Variants in STX1A observed in about 807,000 individuals in gnomAD.
The protein encoded by STX1A is syntaxin-1A.
Under a neutral mutation model 37.8 loss-of-function variants are expected in STX1A, and 4 were observed. That is an observed-to-expected ratio of 0.11 (90% CI 0.05 to 0.24). The LOEUF (loss-of-function observed/expected upper bound fraction) is 0.24. STX1A is among the 10% of genes least tolerant of loss of function. STX1A has a pLI of 1.00. For synonymous variants in STX1A, 135 were observed against 147.4 expected (o/e 0.92, Z 0.61); for missense variants, 251 against 399.9 (o/e 0.63, Z 3.18).
Position 73,717,242 on chromosome 7 carries a change from C to T in STX1A, c.30+2360G>A, listed in dbSNP as rs1010578469. On this transcript the variant is annotated intron_variant, in intron 1 of 9. Transcript: ENST00000222812. The surrounding 1 kb of genome is among the most constrained non-coding windows in gnomAD (Gnocchi z 4.1). ...AGAGGGAGGGAGGGAGGGCTGGGAGCGGTGCACAGCCGCTGTCCCCAGCAC... is the reference window on the plus strand; with the variant it reads ...AGAGGGAGGGAGGGAGGGCTGGGAGTGGTGCACAGCCGCTGTCCCCAGCAC... Among the ~76,000 whole-genome samples, 4 of 152,012 alleles carry T rather than the reference C, an allele frequency of 2.6e-5. No individual in the cohort carries two copies. Among genetic ancestry groups the T allele is most frequent in the Admixed American group, 6.6e-5 (1 of 15,266 alleles).
chr7:73,714,783 A>AC (rs1169469515), intron 1 of STX1A, among the ~76,000 whole-genome samples: 3 of 150,152 alleles, frequency 2.0e-5, no homozygotes, highest in East Asian at 3.9e-4. Flanking sequence ...GTTAAAAAAA[A>AC]AAAACAAAAA....
chr7:73,700,334 CCCAGCCAGGTGGCA>C lies in STX1A; in HGVS notation c.*59_*72del, dbSNP rs1798603832. 1.3e-6 allele frequency: 2 copies of C among 1,522,138 alleles called. No individual in the cohort carries two copies. The allele number at this position is 1,522,138 out of a possible 1,614,324, so 94.3% of individuals were successfully genotyped here. On this transcript the variant is annotated 3_prime_UTR_variant, in exon 10 of 10. Transcript: ENST00000222812. The surrounding 1 kb of genome is among the most constrained non-coding windows in gnomAD (Gnocchi z 4.4). ...CCAGAGGCGGGGGTTGGGAGGGCAGCCCAGCCAGGTGGCAGCAGCCAGGGCCTCCTTGGAGTGGC... is the reference window on the plus strand; with the variant it reads ...CCAGAGGCGGGGGTTGGGAGGGCAGCGCAGCCAGGGCCTCCTTGGAGTGGC...
intron 1 of STX1A, among the ~76,000 whole-genome samples, chr7:73,715,797 A>C (rs560198559): frequency 2.6e-5 from 4 of 152,280 alleles, no homozygotes; most frequent in African/African-American, 7.2e-5. Context: ...TAAATGACTA[A>C]TCAAAGTCAA....
At position 73,702,868 on chromosome 7, in the gene STX1A, T is replaced by C. The variant is rs1798713185; in HGVS notation, c.655A>G (p.Met219Val). The change falls in exon 8 of 10, where the codon ATG becomes GTG. Residue 219 changes from methionine to valine, a missense_variant. By Grantham distance (21) the Met-to-Val change is conservative. Around this residue, in one of 2 missense-constraint regions of STX1A, gnomAD observed 214 missense variants for 367.6 expected, o/e 0.58. Coordinates refer to ENST00000222812, the MANE Select transcript of STX1A (RefSeq NM_004603.4). The surrounding 1 kb of genome is among the most constrained non-coding windows in gnomAD (Gnocchi z 4.7). Reference protein sequence around the residue: ...IRELHDMFMDMAMLVESQGEM... With the variant: ...IRELHDMFMDVAMLVESQGEM... ...ACCTGGCTCTCCACGAGCATGGCCA[T>C]GTCCATGAACATGTCGTGTAGCTCA... The C allele has an allele frequency of 6.2e-7, 1 of 1,613,788 alleles. No individual in the cohort carries two copies. Among genetic ancestry groups the C allele is most frequent in the Non-Finnish European group, 8.5e-7 (1 of 1,180,010 alleles).
chr7:73,711,639 G>A (rs1799107331), intron 1 of STX1A, among the ~76,000 whole-genome samples: 1 of 152,080 alleles, frequency 6.6e-6, no homozygotes, highest in East Asian at 1.9e-4. Context: ...CTGCCAGGAG[G>A]AGCCCAGTTC....
rs2116780275 is a variant in STX1A at position 73,717,718 on chromosome 7, A to G, written c.30+1884T>C. 6.6e-6 allele frequency among the ~76,000 whole-genome samples: 1 copy of G among 152,314 alleles called. No homozygotes were observed. The highest frequency in any genetic ancestry group is 3.4e-3 in the Middle Eastern group (1 of 294). On this transcript the variant is annotated intron_variant, in intron 1 of 9. Coordinates refer to ENST00000222812, the MANE Select transcript of STX1A (RefSeq NM_004603.4). The surrounding 1 kb of genome is among the most constrained non-coding windows in gnomAD (Gnocchi z 4.1). ...GTGTCTGGAGCGGAAGCCTCAGACC[A>G]TTCAAAGCAAAGCCTGGCTTCACCA...
rs1174894742 is a variant in STX1A, at chr7:73,708,704, A to G, written c.109-16T>C. ...TCTCCTCCACCTGCGGACCAAGGCC[A>G]GGTGGTCAGGAGAAGGAAATCAGGG... On this transcript the variant is annotated splice_polypyrimidine_tract_variant and intron_variant, in intron 2 of 9. Transcript: ENST00000222812. The G allele has an allele frequency of 1.2e-6, 2 of 1,611,848 alleles. No homozygotes were observed. Among genetic ancestry groups the G allele is most frequent in the Non-Finnish European group, 1.7e-6 (2 of 1,178,970 alleles).
Position 73,705,031 on chromosome 7 carries a change from C to G in STX1A, c.283+119G>C. The G allele has an allele frequency of 1.0e-6, 1 of 992,572 alleles. No homozygotes were observed. Among genetic ancestry groups the G allele is most frequent in the Non-Finnish European group, 1.6e-6 (1 of 628,168 alleles). The allele number at this position is 992,572 out of a possible 1,614,324, so 61.5% of individuals were successfully genotyped here. ...CTGAGTGAATGGGCACATGACGCCA[C>G]CCTCAGAAAGGAAAGCAAGATCCGG... On this transcript the variant is annotated intron_variant, in intron 4 of 9. Coordinates refer to ENST00000222812, the MANE Select transcript of STX1A (RefSeq NM_004603.4). The surrounding 1 kb of genome is among the most constrained non-coding windows in gnomAD (Gnocchi z 5.2).
intron 5 of STX1A, 39 bp from the exon 6 acceptor site, chr7:73,704,295 C>T (rs782304133): frequency 6.2e-7 from 1 of 1,613,678 alleles, no homozygotes; most frequent in Non-Finnish European, 8.5e-7. Flanking sequence ...TCAGGCCCTG[C>T]GGGGACCGAC....
intron 4 of STX1A, chr7:73,704,801 A>T (rs1798811466): frequency 2.0e-6 from 1 of 506,166 alleles, no homozygotes; most frequent in South Asian, 2.2e-5. Flanking sequence ...AGGCCTTGGC[A>T]CTCATGGGGT....
chr7:73,710,665 TCCACC>T (rs1286483185), intron 1 of STX1A, among the ~76,000 whole-genome samples: 1 of 152,212 alleles, frequency 6.6e-6, no homozygotes, highest in Non-Finnish European at 1.5e-5. Context: ...CCTCAGGTGA[TCCACC>T]CGCCTCGGCC....
At position 73,700,168 on chromosome 7, in the gene STX1A, A is replaced by G; in HGVS notation, c.*239T>C. Reference sequence around the variant, plus strand: ...GTCTGCTCCTCGCTGTGCACACTGCATCACGCCCCGCTGGCTGCCTCCCTC... The same window carrying G: ...GTCTGCTCCTCGCTGTGCACACTGCGTCACGCCCCGCTGGCTGCCTCCCTC... On this transcript the variant is annotated 3_prime_UTR_variant, in exon 10 of 10. Transcript: ENST00000222812. This position sits in a 1 kb window ranked among gnomAD's most constrained non-coding sequence, Gnocchi z 4.4. 1.7e-6 allele frequency: 1 copy of G among 591,820 alleles called. No individual in the cohort carries two copies. 36.7% of individuals were successfully genotyped at this position (591,820 alleles called of 1,614,324 possible).
chr7:73,708,792 G>A, intron 2 of STX1A, 104 bp from the exon 3 acceptor site: 16 of 1,265,024 alleles, frequency 1.3e-5, no homozygotes, highest in Non-Finnish European at 1.8e-5. Context: ...TCAGGGGGAG[G>A]ACGGGCCAGG....
chr7:73,711,999 G>A (rs1286538135), intron 1 of STX1A, among the ~76,000 whole-genome samples: 1 of 152,112 alleles, frequency 6.6e-6, no homozygotes, highest in Non-Finnish European at 1.5e-5. Flanking sequence ...GAAGGGCTGG[G>A]AGGAGAGATG....
intron 1 of STX1A, among the ~76,000 whole-genome samples, chr7:73,710,058 C>T (rs181428415): frequency 2.5e-4 from 38 of 152,278 alleles, no homozygotes; most frequent in Non-Finnish European, 4.0e-4. Flanking sequence ...CATTGGACCT[C>T]GGTCTGCCTC....
rs1204898932 is a variant in STX1A, at chr7:73,705,295, AGCCCAGGGGGCCCAGTGGGAG to A, written c.209-92_209-72del. The A allele has an allele frequency of 7.6e-7, 1 of 1,314,698 alleles. No individual in the cohort carries two copies. Among genetic ancestry groups the A allele is most frequent in the African/African-American group, 1.5e-5 (1 of 68,854 alleles). 81.4% of individuals were successfully genotyped at this position (1,314,698 alleles called of 1,614,324 possible). A position where few individuals can be genotyped will look rare whatever the true frequency, so the allele number is the denominator to read the frequency against. On this transcript the variant is annotated intron_variant, in intron 3 of 9. Coordinates refer to ENST00000222812, the MANE Select transcript of STX1A (RefSeq NM_004603.4). The surrounding 1 kb of genome is among the most constrained non-coding windows in gnomAD (Gnocchi z 5.2). ...GGACTGATGTGCAGGCTCAGCCTCC[AGCCCAGGGGGCCCAGTGGGAG>A]GCTCTGGGAAGATCCCTGTTCTCCC...
rs1306410362 is a variant in STX1A at position 73,706,581 on chromosome 7, A to G, written c.209-1357T>C. Among the ~76,000 whole-genome samples, 3 of 152,056 alleles carry G rather than the reference A, an allele frequency of 2.0e-5. No individual in the cohort carries two copies. The highest frequency in any genetic ancestry group is 4.8e-5 in the African/African-American group (2 of 41,408). ...GGGTGGTGACTCAGAACCGGTCCCT[A>G]TGACTGTGCATGACACCGCAGCAGG... On this transcript the variant is annotated intron_variant, in intron 3 of 9. Coordinates refer to ENST00000222812, the MANE Select transcript of STX1A (RefSeq NM_004603.4). This position sits in a 1 kb window ranked among gnomAD's most constrained non-coding sequence, Gnocchi z 4.6.
intron 1 of STX1A, among the ~76,000 whole-genome samples, chr7:73,712,434 T>C (rs1404693372): frequency 6.6e-6 from 1 of 150,618 alleles, no homozygotes; most frequent in Admixed American, 6.7e-5. Flanking sequence ...GACATTCCCT[T>C]CTTCCTCGAT....
intron 6 of STX1A, 119 bp downstream of exon 6, chr7:73,704,029 C>T: frequency 1.6e-6 from 2 of 1,262,360 alleles, no homozygotes; most frequent in Non-Finnish European, 2.2e-6. Context: ...GCAGCTGCCT[C>T]GGGCCACCCG....
Sources: allele counts gnomAD v4.1 joint callset (sites outside exome capture counted in the v4.1 genomes callset), GRCh38; gene constraint gnomAD v4.1.1; regional missense constraint gnomAD v4.1.1; non-coding constraint Gnocchi (gnomAD v3.1); transcripts MANE v1.5; gene names NCBI Gene and HGNC (gene_info 2026-07-23, HGNC 2026-07-21).